The following PATJ variants were observed in gnomAD, a reference collection of about 807,000 sequenced individuals.
The protein encoded by PATJ is PATJ crumbs cell polarity complex component, also known as inaD-like protein.
In PATJ, 190 loss-of-function variants were observed where a neutral mutation model predicts 224.9. That is an observed-to-expected ratio of 0.84 (90% CI 0.75 to 0.95). The LOEUF (loss-of-function observed/expected upper bound fraction) is 0.95. Among genes scored for constraint, PATJ ranks in the 40% least tolerant of loss-of-function variants. The probability of loss-of-function intolerance (pLI) is 0.00; values close to 1 mark genes in which losing one functional copy is unlikely to be tolerated. For missense variants in PATJ, 2,121 were observed against 2,270.3 expected (o/e 0.93, Z 1.34); for synonymous variants, 769 against 820.3 (o/e 0.94, Z 1.07).
Position 61,822,960 on chromosome 1 carries a change from A to T in PATJ, c.1699A>T (p.Thr567Ser). Residue 567 changes from threonine to serine, a missense_variant, in exon 15 of 44, where the codon ACT becomes TCT. By Grantham distance (58) the Thr-to-Ser change is moderately conservative (BLOSUM62 1). Transcript: ENST00000642238. The stretch of plus-strand genomic sequence containing the variant: ...TTTGCTACAGCTGCTGCCTATTCAC[A>T]CTCTGAGGCTTGGTGTGGAAGTGGA... ...QKYSKLLPIH[T>S]LRLGVEVDSF... 1 of 1,613,576 alleles carries T rather than the reference A, an allele frequency of 6.2e-7. No homozygotes were observed. The highest frequency in any genetic ancestry group is 8.5e-7 in the Non-Finnish European group (1 of 1,179,872).
At chr1:61,978,894 T>C (rs1416182778) in intron 27 of PATJ, among the ~76,000 whole-genome samples, 1 of 152,134 alleles carries the variant, frequency 6.6e-6, no homozygotes, top group African/African-American at 2.4e-5. Context: ...AGTTTCTTTC[T>C]TGGGAGAAAG....
At chr1:61,976,868 A>C (rs998951607) in intron 27 of PATJ, among the ~76,000 whole-genome samples, 2 of 152,014 alleles carry the variant, frequency 1.3e-5, no homozygotes, top group African/African-American at 4.8e-5. Context: ...TTCTTTACTG[A>C]AATATTTTCA....
At chr1:61,959,439 C>T (rs2482884) in intron 27 of PATJ, among the ~76,000 whole-genome samples, 48,091 of 97,048 alleles carry the variant, frequency 0.5, 9,540 homozygotes, top group Middle Eastern at 0.54. Flanking sequence ...TTTTTCTTTT[C>T]TTTTTTTTTT....
intron 42 of PATJ, among the ~76,000 whole-genome samples, chr1:62,151,370 T>G (rs556060086): frequency 6.6e-6 from 1 of 151,604 alleles, no homozygotes; most frequent in Non-Finnish European, 1.5e-5. Context: ...GGGCAGATCA[T>G]GAGGTCAGGA....
At chr1:61,992,118 T>C (rs1245244899) in intron 28 of PATJ, among the ~76,000 whole-genome samples, 1 of 75,622 alleles carries the variant, frequency 1.3e-5, no homozygotes, top group African/African-American at 7.0e-5. Flanking sequence ...TGTGGGATTC[T>C]TTTTTTTTTT....
intron 27 of PATJ, among the ~76,000 whole-genome samples, chr1:61,975,307 G>A (rs2149479430): frequency 6.6e-6 from 1 of 152,010 alleles, no homozygotes; most frequent in East Asian, 1.9e-4. Flanking sequence ...ATCCTTCTTT[G>A]TCTCCTGTTA....
At chr1:61,790,207 GAAAAAAA>G (rs35646597) in intron 8 of PATJ, among the ~76,000 whole-genome samples, 7 of 114,150 alleles carry the variant, frequency 6.1e-5, no homozygotes, top group Non-Finnish European at 9.1e-5. Flanking sequence ...CTGTCTCTGA[GAAAAAAA>G]AAAAAAAAAA....
At chr1:62,117,636 A>ATGGCATAT (rs907609096) in intron 37 of PATJ, among the ~76,000 whole-genome samples, 2 of 152,216 alleles carry the variant, frequency 1.3e-5, no homozygotes, top group Non-Finnish European at 2.9e-5. Context: ...AGGGCAATTA[A>ATGGCATAT]TGGCATATTC....
intron 30 of PATJ, 151 bp downstream of exon 30, chr1:62,038,200 A>G (rs1369054612): frequency 4.4e-6 from 2 of 455,052 alleles, no homozygotes; most frequent in African/African-American, 4.0e-5. Flanking sequence ...GGTATTGATT[A>G]TAAAGTAACT....
chr1:61,862,825 G>C (rs1261790130), intron 19 of PATJ, among the ~76,000 whole-genome samples: 3 of 151,776 alleles, frequency 2.0e-5, no homozygotes, highest in East Asian at 3.9e-4. Context: ...GTTAGAGTAT[G>C]GTTTTGCTTT....
At chr1:62,043,152 G>C (rs1236108913) in intron 30 of PATJ, among the ~76,000 whole-genome samples, 1 of 152,136 alleles carries the variant, frequency 6.6e-6, no homozygotes, top group Non-Finnish European at 1.5e-5. Flanking sequence ...ACCTCCCAAA[G>C]TCTGTCTTTT....
intron 6 of PATJ, among the ~76,000 whole-genome samples, chr1:61,774,908 G>GT (rs1646830561): frequency 1.3e-5 from 2 of 152,256 alleles, no homozygotes; most frequent in Middle Eastern, 6.8e-3. Flanking sequence ...CCAGTGCAGC[G>GT]TAAGGAATGA....
chr1:61,896,691 T>G (rs1670413905), intron 22 of PATJ, among the ~76,000 whole-genome samples: 1 of 152,194 alleles, frequency 6.6e-6, no homozygotes, highest in Non-Finnish European at 1.5e-5. Context: ...ATTTCCCATG[T>G]GTCAGGTGAG....
At chr1:62,065,385 C>T (rs1406312508) in intron 31 of PATJ, among the ~76,000 whole-genome samples, 4 of 152,066 alleles carry the variant, frequency 2.6e-5, no homozygotes, top group East Asian at 1.9e-4. Context: ...CCGAGACAGG[C>T]GGATCACCTG....
intron 33 of PATJ, among the ~76,000 whole-genome samples, chr1:62,085,552 A>G (rs1440278265): frequency 6.6e-6 from 1 of 152,142 alleles, no homozygotes; most frequent in African/African-American, 2.4e-5. Context: ...TTGTAGATAA[A>G]AAGTATACAT....
At chr1:62,053,773 C>T (rs1654071504) in intron 31 of PATJ, among the ~76,000 whole-genome samples, 1 of 151,900 alleles carries the variant, frequency 6.6e-6, no homozygotes, top group Non-Finnish European at 1.5e-5. Context: ...CCTCAGTTTC[C>T]TCAGCTGAGG....
intron 31 of PATJ, among the ~76,000 whole-genome samples, chr1:62,053,901 G>A (rs1422016294): frequency 1.3e-5 from 2 of 152,054 alleles, no homozygotes; most frequent in Non-Finnish European, 1.5e-5. Flanking sequence ...ACAAATATTT[G>A]CCAAATACCA....
intron 20 of PATJ, among the ~76,000 whole-genome samples, chr1:61,871,485 G>GTATATATGTATATACGCA (rs71050173): frequency 3.0e-5 from 3 of 100,184 alleles, no homozygotes; most frequent in African/African-American, 1.2e-4. Flanking sequence ...ATATATATGT[G>GTATATATGTATATACGCA]TATATATGTA....
intron 27 of PATJ, among the ~76,000 whole-genome samples, chr1:61,968,942 ACTT>A (rs1442277380): frequency 2.0e-5 from 3 of 152,198 alleles, no homozygotes. Context: ...GAATTTGACT[ACTT>A]TAGATGTTTT....
Sources: allele counts gnomAD v4.1 joint callset (sites outside exome capture counted in the v4.1 genomes callset), GRCh38; gene constraint gnomAD v4.1.1; transcripts MANE v1.5; gene names NCBI Gene and HGNC (gene_info 2026-07-23, HGNC 2026-07-21).